RBFOX3: variants seen among roughly 807,000 people sequenced by gnomAD.
RBFOX3 encodes the protein RNA binding fox-1 homolog 3, also known as RNA binding protein fox-1 homolog 3.
A neutral mutation model predicts 48.7 loss-of-function variants in RBFOX3; 17 were observed. That is an observed-to-expected ratio of 0.35 (90% CI 0.24 to 0.52). The LOEUF is 0.52. RBFOX3 is among the 20% of genes least tolerant of loss of function. RBFOX3 has a pLI of 0.94. For missense variants in RBFOX3, 382 were observed against 497.5 expected (o/e 0.77, Z 2.21); for synonymous variants, 212 against 209.5 (o/e 1.01, Z -0.10).
chr17:79,653,478 T>C, the RBFOX3 span, among the ~76,000 whole-genome samples: 1 of 152,240 alleles, frequency 6.6e-6, no homozygotes, highest in Admixed American at 6.5e-5. Context: ...ATTGTTATAG[T>C]AAGAAAAACC....
chr17:79,292,615 CATACAT>C (rs1567988463), intron 3 of RBFOX3, among the ~76,000 whole-genome samples: 1,309 of 67,660 alleles, frequency 0.019, 21 homozygotes, highest in African/African-American at 0.074. Context: ...CACACACACA[CATACAT>C]GCAGACCCAG....
chr17:79,404,846 T>C (rs111628962), intron 2 of RBFOX3, among the ~76,000 whole-genome samples: 38 of 152,304 alleles, frequency 2.5e-4, no homozygotes, highest in African/African-American at 8.9e-4. Context: ...ATTAACTCTT[T>C]CCTCTATATG....
intron 2 of RBFOX3, among the ~76,000 whole-genome samples, chr17:79,458,069 G>A (rs1568285126): frequency 6.6e-6 from 1 of 152,170 alleles, no homozygotes; most frequent in Non-Finnish European, 1.5e-5. Context: ...CAGGGCGGGG[G>A]ACCCGGGTGT....
At chr17:79,219,481 G>C (rs2059455798) in intron 4 of RBFOX3, among the ~76,000 whole-genome samples, 1 of 152,146 alleles carries the variant, frequency 6.6e-6, no homozygotes, top group Non-Finnish European at 1.5e-5. Context: ...GCCCAGTTGA[G>C]CTAGGATGGC....
intron 4 of RBFOX3, among the ~76,000 whole-genome samples, chr17:79,144,279 G>C (rs1049205413): frequency 6.6e-6 from 1 of 152,226 alleles, no homozygotes; most frequent in African/African-American, 2.4e-5. Flanking sequence ...GAATTGTCCC[G>C]CTCTACCCCC....
chr17:79,166,077 C>T (rs568503110), intron 4 of RBFOX3, among the ~76,000 whole-genome samples: 129 of 152,314 alleles, frequency 8.5e-4, no homozygotes, highest in African/African-American at 3.0e-3. Context: ...ACCCGGCGTG[C>T]GGCAGAGTTG....
intron 1 of RBFOX3, among the ~76,000 whole-genome samples, chr17:79,508,408 G>T (rs1315916506): frequency 6.6e-6 from 1 of 152,192 alleles, no homozygotes; most frequent in Non-Finnish European, 1.5e-5. Flanking sequence ...CCGCCTGCCT[G>T]CCCGAGGCTG....
intron 4 of RBFOX3, among the ~76,000 whole-genome samples, chr17:79,129,489 C>CACAT: frequency 9.6e-6 from 1 of 103,690 alleles, no homozygotes; most frequent in African/African-American, 3.2e-5. Flanking sequence ...CCCCAAGCCC[C>CACAT]CCAGGCTCCT....
At position 79,103,093 on chromosome 17, in the gene RBFOX3, G is replaced by T; in HGVS notation, c.507+69C>A. Reference sequence around the variant, plus strand: ...GGGTGCGGCAGTGGCAGGGCTGGTTGGTTGGGGGAGCTGGGGGGCAGGTGG... The same window carrying T: ...GGGTGCGGCAGTGGCAGGGCTGGTTTGTTGGGGGAGCTGGGGGGCAGGTGG... On this transcript the variant is annotated intron_variant, in intron 8 of 14. Coordinates refer to ENST00000693108, the MANE Select transcript of RBFOX3 (RefSeq NM_001350451.2). The surrounding 1 kb of genome is among the most constrained non-coding windows in gnomAD (Gnocchi z 6.1). 3.4e-6 allele frequency: 4 copies of T among 1,181,120 alleles called. No individual in the cohort carries two copies. The highest frequency in any genetic ancestry group is 4.9e-6 in the Non-Finnish European group (4 of 813,532). 73.2% of individuals were successfully genotyped at this position (1,181,120 alleles called of 1,614,324 possible).
intron 4 of RBFOX3, among the ~76,000 whole-genome samples, chr17:79,129,602 C>T (rs1489702424): frequency 6.6e-6 from 1 of 152,238 alleles, no homozygotes; most frequent in Non-Finnish European, 1.5e-5. Flanking sequence ...TGACACTGTC[C>T]TTCAAGGTGC....
chr17:79,509,345 G>A (rs2083721215), intron 1 of RBFOX3, among the ~76,000 whole-genome samples: 1 of 151,942 alleles, frequency 6.6e-6, no homozygotes, highest in African/African-American at 2.4e-5. Context: ...AAGGGCCCTG[G>A]TCCTCCCCAC....
At chr17:79,428,973 C>T (rs1414650186) in intron 2 of RBFOX3, among the ~76,000 whole-genome samples, 1 of 152,216 alleles carries the variant, frequency 6.6e-6, no homozygotes, top group East Asian at 1.9e-4. Flanking sequence ...CCGGGTCCCC[C>T]TTCCAGTGCT....
chr17:79,463,968 G>C (rs926416471), intron 2 of RBFOX3, among the ~76,000 whole-genome samples: 6 of 149,902 alleles, frequency 4.0e-5, no homozygotes, highest in African/African-American at 1.5e-4. Context: ...CACCACCATC[G>C]CCACTGCCAC....
chr17:79,428,467 C>T (rs1305940123), intron 2 of RBFOX3, among the ~76,000 whole-genome samples: 6 of 152,242 alleles, frequency 3.9e-5, no homozygotes, highest in South Asian at 2.1e-4. Context: ...CCCTCTTAGG[C>T]TGGTCTCAAC....
intron 2 of RBFOX3, among the ~76,000 whole-genome samples, chr17:79,374,819 C>T (rs1176552648): frequency 1.3e-5 from 2 of 152,226 alleles, no homozygotes; most frequent in Non-Finnish European, 2.9e-5. Flanking sequence ...CAGACTGAGC[C>T]TCCCCCAGTG....
intron 4 of RBFOX3, among the ~76,000 whole-genome samples, chr17:79,115,959 T>A (rs1014252119): frequency 6.6e-6 from 1 of 151,934 alleles, no homozygotes; most frequent in Non-Finnish European, 1.5e-5. Context: ...GGCTCTGGAG[T>A]CAGACACCCC....
At chr17:79,248,980 C>T (rs2063549162) in intron 3 of RBFOX3, among the ~76,000 whole-genome samples, 2 of 152,234 alleles carry the variant, frequency 1.3e-5, no homozygotes, top group African/African-American at 4.8e-5. Context: ...TCGCCAAGCC[C>T]CCATTCTGAG....
chr17:79,507,275 C>T (rs1313765367), intron 1 of RBFOX3, among the ~76,000 whole-genome samples: 1 of 152,208 alleles, frequency 6.6e-6, no homozygotes, highest in African/African-American at 2.4e-5. Context: ...GCGCCCACAC[C>T]ACCTGCCACT....
chr17:79,115,680 AG>A lies in RBFOX3; in HGVS notation c.35del (p.Pro12LeufsTer34). On this transcript the variant is annotated frameshift_variant, in exon 5 of 15. Coordinates refer to ENST00000693108, the MANE Select transcript of RBFOX3 (RefSeq NM_001350451.2). LOFTEE classifies it high-confidence loss of function. ...AQPYPPAQYP[P>X]PPQNGIPAEY... is the part of the protein sequence containing the mutation. The stretch of plus-strand genomic sequence containing the variant: ...CGGCAGGGATGCCGTTCTGTGGCGG[AG>A]GGGGGTACTGGGCGGGGGGGTAGGG... 19 of 207,286 alleles carry A rather than the reference AG, an allele frequency of 9.2e-5. No individual in the cohort carries two copies. The highest frequency in any genetic ancestry group is 1.6e-4 in the African/African-American group (1 of 6,412). 12.8% of individuals were successfully genotyped at this position (207,286 alleles called of 1,614,324 possible).
Sources: gnomAD v4.1 joint callset for allele counts (sites outside exome capture counted in the v4.1 genomes callset) on GRCh38, gnomAD v4.1.1 for gene constraint, Gnocchi (gnomAD v3.1) non-coding constraint, MANE v1.5 for transcripts, NCBI Gene and HGNC (gene_info 2026-07-23, HGNC 2026-07-21) for gene names.